NBEA: variants seen among roughly 807,000 people sequenced by gnomAD.
The protein encoded by NBEA is lysosomal-trafficking regulator 2.
Under a neutral mutation model 343.4 loss-of-function variants are expected in NBEA, and 44 were observed. That is an observed-to-expected ratio of 0.13 (90% CI 0.10 to 0.16). The LOEUF (loss-of-function observed/expected upper bound fraction) is 0.16. Among genes scored for constraint, NBEA ranks in the 10% least tolerant of loss-of-function variants. The pLI, the probability that NBEA is intolerant of heterozygous loss-of-function variation, is 1.00. For missense variants in NBEA, 2,555 were observed against 3,631.3 expected (o/e 0.70, Z 7.62); for synonymous variants, 1,175 against 1,238.7 (o/e 0.95, Z 1.08).
chr13:35,031,680 A>T lies in NBEA; in HGVS notation c.295-9253A>T, dbSNP rs560642528. 4.2e-4 allele frequency among the ~76,000 whole-genome samples: 63 copies of T among 151,580 alleles called. 1 individual carries two copies. Among genetic ancestry groups the T allele is most frequent in the Admixed American group, 1.5e-3 (23 of 15,180 alleles). On this transcript the variant is annotated intron_variant, in intron 1 of 58. Coordinates refer to ENST00000379939, the MANE Select transcript of NBEA (RefSeq NM_001385012.1). The stretch of plus-strand genomic sequence containing the variant: ...TTTTCAGGTTTGTAGGCACATGTGA[A>T]GGTTTGTTACATAGGTAAACTCATG...
intron 1 of NBEA, among the ~76,000 whole-genome samples, chr13:34,981,435 T>C (rs1479208117): frequency 6.6e-6 from 1 of 152,232 alleles, no homozygotes; most frequent in Non-Finnish European, 1.5e-5. Context: ...AATCCTTGCT[T>C]TAAGAAACTG....
Position 35,182,492 on chromosome 13 carries a change from A to T in NBEA, c.4795A>T (p.Asn1599Tyr). The T allele has an allele frequency of 1.9e-6, 3 of 1,610,238 alleles. No individual in the cohort carries two copies. Among genetic ancestry groups the T allele is most frequent in the Non-Finnish European group, 2.5e-6 (3 of 1,177,476 alleles). Residue 1599 changes from asparagine to tyrosine, a missense_variant, in exon 29 of 59, where the codon AAC becomes TAC. Transcript: ENST00000379939. ...AAGAACTGGAAGCCAACCAGGTAGA[A>T]ACATCAGGCAAGAAATAAATTCACC... Reference protein sequence around the residue: ...TTRTGSQPGRNIRQEINSPTS... With the variant: ...TTRTGSQPGRYIRQEINSPTS...
intron 10 of NBEA, among the ~76,000 whole-genome samples, chr13:35,092,048 G>A (rs995632211): frequency 2.6e-5 from 4 of 151,960 alleles, no homozygotes; most frequent in African/African-American, 9.7e-5. Flanking sequence ...TAATAATGAA[G>A]ACCGAGTAAT....
Position 35,067,992 on chromosome 13 carries a change from C to A in NBEA, c.1240-1916C>A, listed in dbSNP as rs189150278. Among the ~76,000 whole-genome samples, 6 of 152,090 alleles carry A rather than the reference C, an allele frequency of 3.9e-5. No homozygotes were observed. The East Asian group carries it at 1.2e-3, about 29-fold the overall frequency. On this transcript the variant is annotated intron_variant, in intron 8 of 58. Transcript: ENST00000379939. ...GCCTCAAGTGATCCTCCCACCTTGGCCTCTCAAAGTGCTAAGATTACAGGT... is the reference window on the plus strand; with the variant it reads ...GCCTCAAGTGATCCTCCCACCTTGGACTCTCAAAGTGCTAAGATTACAGGT...
At position 35,402,688 on chromosome 13, in the gene NBEA, A is replaced by C. The variant is rs183099737; in HGVS notation, c.6180-29581A>C. Among the ~76,000 whole-genome samples, 231 of 152,272 alleles carry C rather than the reference A, an allele frequency of 1.5e-3. 1 individual carries two copies. The highest frequency in any genetic ancestry group is 4.5e-3 in the African/African-American group (186 of 41,584). The stretch of plus-strand genomic sequence containing the variant: ...TACACTTTTTAATTAGTTTAAAAGC[A>C]GATGTGTTTGATAACTTTTTGGTGG... On this transcript the variant is annotated intron_variant, in intron 38 of 58. Coordinates refer to ENST00000379939, the MANE Select transcript of NBEA (RefSeq NM_001385012.1).
At chr13:35,654,731 C>A in intron 53 of NBEA, 124 bp from the exon 54 acceptor site, 3 of 689,482 alleles carry the variant, frequency 4.4e-6, no homozygotes, top group Non-Finnish European at 4.6e-6. Flanking sequence ...TCTTAATAAT[C>A]TCATACCATT....
At chr13:35,050,441 T>G in intron 6 of NBEA, 46 bp downstream of exon 6, 1 of 1,564,976 alleles carries the variant, frequency 6.4e-7, no homozygotes, top group Admixed American at 1.8e-5. Flanking sequence ...TATGACAGAA[T>G]TCTTAACTCT....
At chr13:35,262,351 C>T (rs1338568711) in intron 34 of NBEA, among the ~76,000 whole-genome samples, 1 of 152,134 alleles carries the variant, frequency 6.6e-6, no homozygotes, top group Non-Finnish European at 1.5e-5. Context: ...AGAAATGAAA[C>T]TTATGTTCAC....
chr13:35,226,996 A>G (rs2152766025), intron 33 of NBEA, among the ~76,000 whole-genome samples: 1 of 152,264 alleles, frequency 6.6e-6, no homozygotes, highest in South Asian at 2.1e-4. Context: ...TATTCTATTT[A>G]GCTTCAATTT....
chr13:35,119,893 A>T (rs540895971), intron 16 of NBEA, among the ~76,000 whole-genome samples: 1 of 152,188 alleles, frequency 6.6e-6, no homozygotes, highest in East Asian at 1.9e-4. Context: ...CCAGCCTATA[A>T]TTTTTTACTC....
rs1593362908 is a variant in NBEA, at chr13:35,106,401, ATTC to A, written c.1681-2886_1681-2884del. Among the ~76,000 whole-genome samples the A allele has an allele frequency of 3.3e-5, 5 of 151,996 alleles. No homozygotes were observed. In the East Asian group the frequency reaches 9.6e-4, roughly 29 times the overall value. ...GGCTGTGTTTTTTCCTACCTATTCT[ATTC>A]TTACTGTTTTTGAATTTGACATTAA... On this transcript the variant is annotated intron_variant, in intron 11 of 58. Transcript: ENST00000379939.
intron 34 of NBEA, among the ~76,000 whole-genome samples, chr13:35,260,295 A>T (rs1183614401): frequency 6.6e-6 from 1 of 152,232 alleles, no homozygotes; most frequent in African/African-American, 2.4e-5. Context: ...ATTCTAAAAG[A>T]CATACTTTGA....
chr13:35,250,918 T>C (rs2031874492), intron 34 of NBEA, among the ~76,000 whole-genome samples: 1 of 152,182 alleles, frequency 6.6e-6, no homozygotes, highest in Admixed American at 6.5e-5. Flanking sequence ...AAAATATAAA[T>C]GCCAATCAAG....
chr13:35,354,278 T>C (rs1266100218), intron 38 of NBEA, among the ~76,000 whole-genome samples: 2 of 152,282 alleles, frequency 1.3e-5, no homozygotes, highest in East Asian at 3.9e-4. Context: ...CTGAATTGGG[T>C]TTATCTATTA....
intron 41 of NBEA, among the ~76,000 whole-genome samples, chr13:35,544,446 C>T (rs556882344): frequency 2.0e-4 from 30 of 152,240 alleles, no homozygotes; most frequent in Non-Finnish European, 3.8e-4. Context: ...TGTGATTTGA[C>T]AGTCATTTAC....
At chr13:35,472,824 G>A (rs2075714191) in intron 41 of NBEA, among the ~76,000 whole-genome samples, 1 of 152,086 alleles carries the variant, frequency 6.6e-6, no homozygotes, top group African/African-American at 2.4e-5. Flanking sequence ...AAGTCCCTGG[G>A]GCCCAGAATC....
intron 10 of NBEA, among the ~76,000 whole-genome samples, chr13:35,071,747 C>A (rs1275030411): frequency 6.6e-6 from 1 of 151,746 alleles, no homozygotes; most frequent in Non-Finnish European, 1.5e-5. Flanking sequence ...ATTTAAGGTA[C>A]AATGAAATGC....
At chr13:35,225,322 T>G (rs1349429732) in intron 33 of NBEA, among the ~76,000 whole-genome samples, 1 of 151,730 alleles carries the variant, frequency 6.6e-6, no homozygotes, top group African/African-American at 2.4e-5. Context: ...TCCCTCAGAG[T>G]AGAGGGTTTT....
intron 1 of NBEA, among the ~76,000 whole-genome samples, chr13:34,999,443 T>C (rs953396003): frequency 6.6e-6 from 1 of 152,170 alleles, no homozygotes; most frequent in African/African-American, 2.4e-5. Flanking sequence ...AAGTCCTCTG[T>C]ACCTTATGAT....
Sources: allele counts gnomAD v4.1 joint callset (sites outside exome capture counted in the v4.1 genomes callset), GRCh38; gene constraint gnomAD v4.1.1; transcripts MANE v1.5; gene names NCBI Gene and HGNC (gene_info 2026-07-23, HGNC 2026-07-21).